The following SORBS2 variants were observed in gnomAD, a reference collection of about 807,000 sequenced individuals.
SORBS2 encodes sorbin and SH3 domain containing 2.
Under a neutral mutation model 97.7 loss-of-function variants are expected in SORBS2, and 46 were observed. The ratio of observed to expected loss-of-function variants is 0.47; its 90% confidence interval spans 0.37 to 0.60. SORBS2 has a LOEUF of 0.60. Among genes scored for constraint, SORBS2 ranks in the 20% least tolerant of loss-of-function variants. The pLI is 0.00. For missense variants in SORBS2, 1,316 were observed against 1,282.3 expected, an observed-to-expected ratio of 1.03 and a Z score of -0.40; for synonymous variants, 476 against 473.4, an observed-to-expected ratio of 1.01 and a Z score of -0.07.
intron 4 of SORBS2, among the ~76,000 whole-genome samples, chr4:185,633,784 C>G (rs1204892022): frequency 7.0e-6 from 1 of 143,804 alleles, no homozygotes; most frequent in Admixed American, 6.9e-5. Context: ...AATTATTGCA[C>G]TCTACTTTTT....
At chr4:185,782,409 T>C (rs1225263220) in intron 1 of SORBS2, among the ~76,000 whole-genome samples, 1 of 152,262 alleles carries the variant, frequency 6.6e-6, no homozygotes, top group African/African-American at 2.4e-5. Context: ...TCATATATCA[T>C]ATTCCTAGAC....
chr4:185,950,791 C>T (rs1196248890), intron 1 of SORBS2, among the ~76,000 whole-genome samples: 4 of 152,078 alleles, frequency 2.6e-5, no homozygotes, highest in Admixed American at 6.5e-5. Flanking sequence ...CTTTGGAAAT[C>T]GCACTATGGC....
chr4:185,953,184 G>A (rs1457048383), intron 1 of SORBS2, among the ~76,000 whole-genome samples: 1 of 152,304 alleles, frequency 6.6e-6, no homozygotes, highest in Non-Finnish European at 1.5e-5. Context: ...GTGCAGGGGC[G>A]CACGCCTGAA....
chr4:185,725,328 C>A lies in SORBS2; in HGVS notation c.-197-46506G>T, dbSNP rs541043065. 2.0e-5 allele frequency among the ~76,000 whole-genome samples: 3 copies of A among 152,304 alleles called. No homozygotes were observed. In the South Asian group the frequency reaches 6.2e-4, roughly 32 times the overall value. On this transcript the variant is annotated intron_variant, in intron 2 of 20. Transcript: ENST00000284776. ...ACACTGCTGTTGGATATTCTAACTA[C>A]CCACTTGTGTTCAAAGGAGAAGCGG...
intron 8 of SORBS2, 122 bp from the exon 21 acceptor site, chr4:185,618,753 T>A: frequency 2.0e-6 from 1 of 501,696 alleles, no homozygotes; most frequent in Non-Finnish European, 3.6e-6. Flanking sequence ...GTAATGTTAA[T>A]CCTGTAAGCA....
At chr4:185,891,448 G>A (rs998358585) in intron 1 of SORBS2, among the ~76,000 whole-genome samples, 3 of 152,152 alleles carry the variant, frequency 2.0e-5, no homozygotes, top group South Asian at 4.1e-4. Flanking sequence ...AGGAACAGAC[G>A]TACACAATTA....
chr4:185,657,697 A>G, upstream of SORBS2: 1 of 1,062,620 alleles, frequency 9.4e-7, no homozygotes, highest in East Asian at 2.7e-5. Context: ...CACAGAGACC[A>G]TATTGCCATC....
chr4:185,622,882 C>A (rs767224920), intron 7 of SORBS2, 32 bp downstream of exon 19: 5 of 1,550,852 alleles, frequency 3.2e-6, no homozygotes, highest in Non-Finnish European at 4.4e-6. Flanking sequence ...GGTCTCTGAA[C>A]CACAAGGAAA....
intron 12 of SORBS2, among the ~76,000 whole-genome samples, chr4:185,601,666 G>T (rs1004695529): frequency 2.6e-5 from 4 of 152,060 alleles, no homozygotes; most frequent in African/African-American, 7.2e-5. Context: ...TAATACAGGG[G>T]TTCAATGCAT....
At chr4:185,837,853 A>G (rs1042376917) in intron 1 of SORBS2, among the ~76,000 whole-genome samples, 1 of 151,868 alleles carries the variant, frequency 6.6e-6, no homozygotes, top group African/African-American at 2.4e-5. Flanking sequence ...AGAAAAAAAA[A>G]AAACCCACAT....
intron 2 of SORBS2, among the ~76,000 whole-genome samples, chr4:185,698,866 A>ATT (rs11431973): frequency 1.1e-4 from 16 of 150,708 alleles, no homozygotes; most frequent in South Asian, 2.1e-4. Context: ...ATAGCCATTG[A>ATT]TTTTTTTTTT....
At chr4:185,690,430 A>G in intron 2 of SORBS2, 132 bp downstream of exon 4, 2 of 487,668 alleles carry the variant, frequency 4.1e-6, no homozygotes, top group Non-Finnish European at 7.2e-6. Context: ...AAAGTAATGA[A>G]TCTATGCTAT....
At chr4:185,695,555 C>A (rs2098164328) in intron 2 of SORBS2, among the ~76,000 whole-genome samples, 1 of 151,374 alleles carries the variant, frequency 6.6e-6, no homozygotes, top group African/African-American at 2.4e-5. Context: ...AAAATACAAT[C>A]ATATTAAGGT....
intron 3 of SORBS2, among the ~76,000 whole-genome samples, chr4:185,647,765 A>C (rs1051800500): frequency 1.3e-5 from 2 of 152,232 alleles, no homozygotes; most frequent in African/African-American, 4.8e-5. Flanking sequence ...TGTGTAAAAC[A>C]CAGACAGCAA....
intron 1 of SORBS2, among the ~76,000 whole-genome samples, chr4:185,901,345 G>C (rs1042100706): frequency 6.6e-6 from 1 of 152,054 alleles, no homozygotes; most frequent in African/African-American, 2.4e-5. Context: ...TGGGATTACA[G>C]GCATGTGCCA....
intron 2 of SORBS2, among the ~76,000 whole-genome samples, chr4:185,735,303 T>C (rs567174072): frequency 1.1e-4 from 16 of 151,972 alleles, no homozygotes; most frequent in African/African-American, 3.1e-4. Context: ...GATACGTCAG[T>C]GCTCTAACAG....
exon 15 of SORBS2, chr4:185,585,998 TAAG>T (rs2095797154): frequency 6.6e-6 from 1 of 152,630 alleles, no homozygotes; most frequent in Admixed American, 6.5e-5. Flanking sequence ...ATCTGTGAGA[TAAG>T]GAGAGGCTAG....
chr4:185,691,951 G>A (rs2098105737), intron 2 of SORBS2, among the ~76,000 whole-genome samples: 1 of 152,202 alleles, frequency 6.6e-6, no homozygotes, highest in South Asian at 2.1e-4. Context: ...GTTTCACCAT[G>A]TTAGCCAGGA....
intron 2 of SORBS2, among the ~76,000 whole-genome samples, chr4:185,740,668 C>T (rs1313849598): frequency 6.6e-6 from 1 of 151,552 alleles, no homozygotes; most frequent in Non-Finnish European, 1.5e-5. Flanking sequence ...CAGCCCAACA[C>T]TAACTCAGCC....
Sources: allele counts gnomAD v4.1 joint callset (sites outside exome capture counted in the v4.1 genomes callset), GRCh38; gene constraint gnomAD v4.1.1; transcripts MANE v1.5; gene names NCBI Gene and HGNC (gene_info 2026-07-23, HGNC 2026-07-21).